Variants in NCAM1 observed in about 807,000 individuals in gnomAD.
The protein encoded by NCAM1 is neural cell adhesion molecule 1, also known as antigen recognized by monoclonal antibody 5.1H11.
In NCAM1, 14 loss-of-function variants were observed where a neutral mutation model predicts 109.8. The ratio of observed to expected loss-of-function variants is 0.13; its 90% confidence interval spans 0.08 to 0.20. NCAM1 has a LOEUF of 0.20. Among genes scored for constraint, NCAM1 ranks in the 10% least tolerant of loss-of-function variants. The probability of loss-of-function intolerance (pLI) is 1.00; values close to 1 mark genes in which losing one functional copy is unlikely to be tolerated. For missense variants in NCAM1, 774 were observed against 1,109.9 expected (o/e 0.70, Z 4.30); for synonymous variants, 418 against 442.9 (o/e 0.94, Z 0.70).
chr11:112,976,502 G>T (rs1393083482), intron 1 of NCAM1, among the ~76,000 whole-genome samples: 3 of 151,942 alleles, frequency 2.0e-5, no homozygotes, highest in Non-Finnish European at 4.4e-5. Context: ...GGGATTGGTT[G>T]TATGTCTGCG....
At chr11:113,177,579 G>A (rs782172210) in intron 1 of NCAM1, among the ~76,000 whole-genome samples, 17 of 152,178 alleles carry the variant, frequency 1.1e-4, no homozygotes, top group South Asian at 4.1e-4. Context: ...GACTACAGGC[G>A]TGTACCACCA....
intron 1 of NCAM1, among the ~76,000 whole-genome samples, chr11:113,063,041 A>G (rs1220382717): frequency 4.6e-5 from 7 of 152,232 alleles, no homozygotes; most frequent in African/African-American, 1.7e-4. Context: ...TAACATTTGC[A>G]AAGGCCCCAA....
chr11:113,188,126 C>G (rs547132975), intron 1 of NCAM1, among the ~76,000 whole-genome samples: 1 of 152,206 alleles, frequency 6.6e-6, no homozygotes, highest in Non-Finnish European at 1.5e-5. Flanking sequence ...GAAAGCTCAC[C>G]CTGGGAATTT....
At chr11:113,087,754 G>A (rs1939153577) in intron 1 of NCAM1, among the ~76,000 whole-genome samples, 1 of 152,118 alleles carries the variant, frequency 6.6e-6, no homozygotes, top group African/African-American at 2.4e-5. Context: ...AAATAAATTT[G>A]CATGAAAATG....
chr11:113,130,227 T>G (rs1941335853), intron 1 of NCAM1, among the ~76,000 whole-genome samples: 3 of 152,236 alleles, frequency 2.0e-5, no homozygotes, highest in African/African-American at 7.2e-5. Context: ...AACAATATTT[T>G]TAGGAGCATT....
intron 1 of NCAM1, among the ~76,000 whole-genome samples, chr11:112,993,470 A>G (rs202123596): frequency 1.3e-5 from 2 of 152,286 alleles, no homozygotes; most frequent in East Asian, 3.9e-4. Context: ...TCAACATAAG[A>G]TTTGGGCAGG....
intron 8 of NCAM1, among the ~76,000 whole-genome samples, chr11:113,220,505 G>C (rs1415606412): frequency 2.7e-5 from 4 of 150,458 alleles, no homozygotes; most frequent in African/African-American, 9.8e-5. Flanking sequence ...CATGCAAAGA[G>C]TTGTAAAATG....
chr11:113,199,638 TG>T (rs1339571799), intron 1 of NCAM1, among the ~76,000 whole-genome samples: 3 of 72,098 alleles, frequency 4.2e-5, no homozygotes, highest in Non-Finnish European at 5.6e-5. Context: ...TGTTGTGGGG[TG>T]GGGGGACGGG....
intron 9 of NCAM1, among the ~76,000 whole-genome samples, chr11:113,223,371 C>T (rs1055301983): frequency 6.6e-5 from 10 of 152,040 alleles, no homozygotes; most frequent in South Asian, 6.2e-4. Context: ...TAAGAATTCT[C>T]TTTAGAAGGC....
intron 1 of NCAM1, among the ~76,000 whole-genome samples, chr11:113,016,898 G>T (rs1952220776): frequency 6.6e-6 from 1 of 152,184 alleles, no homozygotes; most frequent in South Asian, 2.1e-4. Context: ...CAAAACATTA[G>T]CACCCATAAA....
chr11:113,159,201 T>TA lies in NCAM1; in HGVS notation c.53-43170dup, dbSNP rs555595683. On this transcript the variant is annotated intron_variant, in intron 1 of 19. Transcript: ENST00000316851. ...ATTTGTAAAAGGTAACAAGATAATT[T>TA]AAAAAAAACTTACATTCATCTGTTT... Among the ~76,000 whole-genome samples the TA allele has an allele frequency of 2.3e-3, 347 of 152,258 alleles. 2 individuals are homozygous for TA. Among genetic ancestry groups the TA allele is most frequent in the Admixed American group, 0.011 (170 of 15,286 alleles).
At chr11:113,146,015 T>A (rs55859223) in intron 1 of NCAM1, among the ~76,000 whole-genome samples, 73 of 152,250 alleles carry the variant, frequency 4.8e-4, no homozygotes, top group Admixed American at 8.5e-4. Context: ...CATAAAGGCC[T>A]TGGTTTGCTC....
intron 15 of NCAM1, among the ~76,000 whole-genome samples, chr11:113,249,973 C>G (rs1945619778): frequency 6.6e-6 from 1 of 152,166 alleles, no homozygotes. Context: ...CATCCTTGCT[C>G]TGCAAGCTGG....
intron 1 of NCAM1, among the ~76,000 whole-genome samples, chr11:113,047,310 A>G (rs1274763286): frequency 1.3e-5 from 2 of 152,132 alleles, no homozygotes; most frequent in South Asian, 2.1e-4. Flanking sequence ...AAGTAATATC[A>G]CACTTAAAAT....
chr11:113,243,001 T>C (rs782155088), intron 14 of NCAM1: 17 of 984,610 alleles, frequency 1.7e-5, no homozygotes, highest in Non-Finnish European at 2.1e-5. Context: ...TTCCTAAGCA[T>C]GCCGTCTGCT....
chr11:113,013,944 C>T lies in NCAM1; in HGVS notation c.52+52280C>T, dbSNP rs149816587. Reference sequence around the variant, plus strand: ...TACATGATACCTGTCCTAATTGTCCCTTTGAATGTCCCAGATAAAACTACA... The same window carrying T: ...TACATGATACCTGTCCTAATTGTCCTTTTGAATGTCCCAGATAAAACTACA... On this transcript the variant is annotated intron_variant, in intron 1 of 19. Transcript: ENST00000316851. 1.4e-3 allele frequency among the ~76,000 whole-genome samples: 208 copies of T among 152,206 alleles called. 2 individuals are homozygous for T. The highest frequency in any genetic ancestry group is 4.8e-3 in the African/African-American group (201 of 41,536).
intron 1 of NCAM1, among the ~76,000 whole-genome samples, chr11:113,186,449 T>A (rs1943511485): frequency 6.6e-6 from 1 of 152,192 alleles, no homozygotes; most frequent in South Asian, 2.1e-4. Flanking sequence ...ACTTGGGGAC[T>A]GCTGATTTAG....
intron 8 of NCAM1, among the ~76,000 whole-genome samples, chr11:113,216,354 G>T (rs1386100135): frequency 6.6e-6 from 1 of 151,652 alleles, no homozygotes. Context: ...GGGTTTCACC[G>T]TGTTAGCCAG....
intron 14 of NCAM1, among the ~76,000 whole-genome samples, chr11:113,239,712 C>A (rs1247366282): frequency 2.0e-5 from 3 of 152,050 alleles, no homozygotes; most frequent in Admixed American, 6.5e-5. Context: ...GCAAACAATT[C>A]AAGCTAAACA....
Sources: allele counts gnomAD v4.1 joint callset (sites outside exome capture counted in the v4.1 genomes callset), GRCh38; gene constraint gnomAD v4.1.1; transcripts MANE v1.5; gene names NCBI Gene and HGNC (gene_info 2026-07-23, HGNC 2026-07-21).